The following VPS54 variants were observed in gnomAD, a reference collection of about 807,000 sequenced individuals.
VPS54 encodes VPS54 subunit of GARP complex.
In VPS54, 45 loss-of-function variants were observed where a neutral mutation model predicts 121.5. The ratio of observed to expected loss-of-function variants is 0.37; its 90% CI spans 0.29 to 0.47. VPS54 has a LOEUF of 0.47. Among genes scored for constraint, VPS54 ranks in the 20% least tolerant of loss-of-function variants. The pLI, the probability that VPS54 is intolerant of heterozygous loss-of-function variation, is 0.99. For synonymous variants in VPS54, 371 were observed against 385.8 expected (o/e 0.96, Z 0.45); for missense variants, 1,090 against 1,131.4 (o/e 0.96, Z 0.52).
chr2:64,005,089 C>CTTTTTTTTTTTTTTTTTTTTT lies in VPS54; in HGVS notation c.-21+13828_-21+13848dup, dbSNP rs764515091. Among the ~76,000 whole-genome samples the CTTTTTTTTTTTTTTTTTTTTT allele has an allele frequency of 1.1e-4, 5 of 44,130 alleles. 1 individual carries two copies. Among genetic ancestry groups the CTTTTTTTTTTTTTTTTTTTTT allele is most frequent in the African/African-American group, 1.9e-4 (2 of 10,540 alleles). 29.0% of individuals were successfully genotyped at this position (44,130 alleles called of 152,430 possible). A position where few individuals can be genotyped will look rare whatever the true frequency, so the allele number is the denominator to read the frequency against. ...TACCATGCCCAGTCTACTATTGCTT[C>CTTTTTTTTTTTTTTTTTTTTT]TTTTTTTTTTTTTTTTTTTTTTTTT... On this transcript the variant is annotated intron_variant, in intron 1 of 22. Coordinates refer to ENST00000272322, the MANE Select transcript of VPS54 (RefSeq NM_016516.3).
At position 63,981,835 on chromosome 2, in the gene VPS54, T is replaced by A. The variant is rs780792830; in HGVS notation, c.189A>T (p.Arg63Ser). 6 of 1,613,624 alleles carry A rather than the reference T, an allele frequency of 3.7e-6. No individual in the cohort carries two copies. The Admixed American group carries it at 8.3e-5, about 22-fold the overall frequency. ...VAPSLVTDQH[R>S]WTVYHSKVNL... Reference sequence around the variant, plus strand: ...TTACTTTGGAATGATATACAGTCCATCTATGTTGATCTGTAACTAGAGATG... The same window carrying A: ...TTACTTTGGAATGATATACAGTCCAACTATGTTGATCTGTAACTAGAGATG... The change falls in exon 3 of 23, where the codon AGA becomes AGT. Residue 63 changes from arginine (R) to serine (S), a missense_variant. Coordinates refer to ENST00000272322, the MANE Select transcript of VPS54 (RefSeq NM_016516.3).
chr2:64,017,396 T>C (rs1241801003), intron 1 of VPS54, among the ~76,000 whole-genome samples: 2 of 151,944 alleles, frequency 1.3e-5, no homozygotes, highest in East Asian at 1.9e-4. Flanking sequence ...TCTGCAAAAT[T>C]TGCCGTTTCA....
intron 1 of VPS54, among the ~76,000 whole-genome samples, chr2:63,996,470 A>G (rs867366057): frequency 6.6e-6 from 1 of 152,336 alleles, no homozygotes; most frequent in African/African-American, 2.4e-5. Flanking sequence ...GTGTTCGAAC[A>G]ATATGAAATC....
chr2:63,994,078 G>A (rs891262696), intron 1 of VPS54, among the ~76,000 whole-genome samples: 2 of 152,116 alleles, frequency 1.3e-5, no homozygotes, highest in African/African-American at 4.8e-5. Context: ...GATGTGGTGA[G>A]ATCTGTGCCA....
chr2:63,966,832 T>G (rs1234300635), intron 5 of VPS54, among the ~76,000 whole-genome samples: 1 of 152,208 alleles, frequency 6.6e-6, no homozygotes, highest in African/African-American at 2.4e-5. Flanking sequence ...CTCTTATTCT[T>G]TTTACAATGA....
Position 63,900,775 on chromosome 2 carries a change from A to AT in VPS54, c.2626-1195dup, listed in dbSNP as rs1672648987. ...TGGTTTTTTTTGTTTGTTTTTTTTG[A>AT]TTTTTTGAGACAGAGTCTCACTCTG... On this transcript the variant is annotated intron_variant, in intron 20 of 22. Coordinates refer to ENST00000272322, the MANE Select transcript of VPS54 (RefSeq NM_016516.3). Among the ~76,000 whole-genome samples the AT allele has an allele frequency of 2.0e-5, 3 of 151,310 alleles. No individual in the cohort carries two copies. The South Asian group carries it at 6.3e-4, about 32-fold the overall frequency.
At chr2:63,911,008 A>T (rs906551514) in intron 20 of VPS54, among the ~76,000 whole-genome samples, 1 of 152,206 alleles carries the variant, frequency 6.6e-6, no homozygotes, top group East Asian at 1.9e-4. Flanking sequence ...TCCTGGACTC[A>T]AGCATAGTTC....
At chr2:64,002,321 T>A (rs79442148) in intron 1 of VPS54, among the ~76,000 whole-genome samples, 23,873 of 152,138 alleles carry the variant, frequency 0.16, 2,339 homozygotes, top group Middle Eastern at 0.26. Flanking sequence ...GCTCACCTGA[T>A]TTTTGTTTCT....
intron 6 of VPS54, among the ~76,000 whole-genome samples, chr2:63,963,555 T>A (rs2104564515): frequency 6.6e-6 from 1 of 152,290 alleles, no homozygotes; most frequent in East Asian, 1.9e-4. Context: ...TAGAAGAGAC[T>A]ATTTGGTCAT....
chr2:63,987,997 T>C (rs1677133997), intron 1 of VPS54, among the ~76,000 whole-genome samples: 1 of 152,192 alleles, frequency 6.6e-6, no homozygotes, highest in Admixed American at 6.5e-5. Flanking sequence ...CCTTTCCAAT[T>C]TGGATGCTTT....
At chr2:63,976,262 G>A (rs1161973466) in intron 3 of VPS54, among the ~76,000 whole-genome samples, 1 of 151,194 alleles carries the variant, frequency 6.6e-6, no homozygotes, top group Non-Finnish European at 1.5e-5. Context: ...TGAGATGGGA[G>A]GATTGCTCGA....
At chr2:63,932,289 T>C (rs887414961) in intron 12 of VPS54, among the ~76,000 whole-genome samples, 3 of 152,046 alleles carry the variant, frequency 2.0e-5, no homozygotes, top group Admixed American at 1.3e-4. Context: ...TGGATTAAGA[T>C]AATGTGGCAC....
chr2:63,917,027 TGAA>T, intron 15 of VPS54, 64 bp from the exon 16 acceptor site: 1 of 1,556,192 alleles, frequency 6.4e-7, no homozygotes, highest in East Asian at 2.3e-5. Context: ...GAGAAAAAGC[TGAA>T]GAAGATAATT....
At chr2:63,977,620 C>T (rs758860159) in intron 3 of VPS54, among the ~76,000 whole-genome samples, 1 of 152,208 alleles carries the variant, frequency 6.6e-6, no homozygotes, top group Non-Finnish European at 1.5e-5. Flanking sequence ...TCCATGTTTT[C>T]CACTACAGCC....
chr2:63,940,400 A>G (rs1674663655), intron 11 of VPS54, among the ~76,000 whole-genome samples: 1 of 152,194 alleles, frequency 6.6e-6, no homozygotes, highest in South Asian at 2.1e-4. Flanking sequence ...AGAAATTACA[A>G]CTATAATCAA....
chr2:63,956,176 T>A (rs1675482115), intron 7 of VPS54, among the ~76,000 whole-genome samples: 1 of 152,150 alleles, frequency 6.6e-6, no homozygotes. Flanking sequence ...TCTGATTTCT[T>A]CATCACAAAA....
chr2:63,965,273 G>C (rs1464942016), intron 6 of VPS54, among the ~76,000 whole-genome samples: 2 of 151,954 alleles, frequency 1.3e-5, no homozygotes, highest in Non-Finnish European at 2.9e-5. Context: ...TCAGGAGTTC[G>C]AGACCAGCCT....
intron 3 of VPS54, among the ~76,000 whole-genome samples, chr2:63,978,905 C>A (rs988674449): frequency 1.3e-5 from 2 of 152,176 alleles, no homozygotes; most frequent in African/African-American, 4.8e-5. Context: ...CAAGCGTGAG[C>A]CACCATGCCC....
intron 1 of VPS54, among the ~76,000 whole-genome samples, chr2:63,986,723 T>C (rs544591471): frequency 8.5e-5 from 13 of 152,236 alleles, no homozygotes; most frequent in Non-Finnish European, 1.5e-4. Context: ...CGTATGAGGG[T>C]TCCCTATTCT....
Sources: gnomAD v4.1 joint callset for allele counts (sites outside exome capture counted in the v4.1 genomes callset) on GRCh38, gnomAD v4.1.1 for gene constraint, MANE v1.5 for transcripts, NCBI Gene and HGNC (gene_info 2026-07-23, HGNC 2026-07-21) for gene names.